RALGPS1: variants seen among roughly 807,000 people sequenced by gnomAD.
RALGPS1 encodes Ral GEF with PH domain and SH3 binding motif 1.
Under a neutral mutation model 78.8 loss-of-function variants are expected in RALGPS1, and 19 were observed. That is an observed-to-expected ratio of 0.24 (90% CI 0.17 to 0.35). RALGPS1 has a LOEUF of 0.35. RALGPS1 is among the 10% of genes least tolerant of loss of function. The pLI is 1.00. For synonymous variants in RALGPS1, 228 were observed against 256.3 expected (o/e 0.89, Z 1.06); for missense variants, 454 against 688.3 (o/e 0.66, Z 3.81).
At chr9:127,061,939 A>T (rs1366099565) in intron 7 of RALGPS1, among the ~76,000 whole-genome samples, 1 of 152,164 alleles carries the variant, frequency 6.6e-6, no homozygotes, top group Non-Finnish European at 1.5e-5. Flanking sequence ...CTTTGTGGGA[A>T]TATCTGCTGG....
chr9:127,217,339 C>T lies in RALGPS1; in HGVS notation c.1645-1401C>T, dbSNP rs987119926. ...TGTAATAATAAAAAGTTGACAACAA[C>T]TGAAATATTCAACAGCAGAGGATGA... On this transcript the variant is annotated intron_variant, in intron 18 of 18. Transcript: ENST00000259351. The T allele has an allele frequency of 1.3e-5, 13 of 1,017,634 alleles. No homozygotes were observed. In the East Asian group the frequency reaches 9.7e-4, roughly 76 times the overall value. 63.0% of individuals were successfully genotyped at this position (1,017,634 alleles called of 1,614,324 possible).
At chr9:127,047,324 A>C (rs866454596) in intron 5 of RALGPS1, among the ~76,000 whole-genome samples, 1 of 152,230 alleles carries the variant, frequency 6.6e-6, no homozygotes, top group African/African-American at 2.4e-5. Flanking sequence ...ATTGTAGAAG[A>C]ATATTCACTT....
chr9:127,141,942 C>A (rs950117422), intron 8 of RALGPS1, among the ~76,000 whole-genome samples: 2 of 152,120 alleles, frequency 1.3e-5, no homozygotes, highest in African/African-American at 2.4e-5. Context: ...AGTATGTTTT[C>A]AATAATCATG....
rs139559853 is a variant in RALGPS1, at chr9:127,166,592, A to G, written c.748+386A>G. ...TTGTTCTGTGACTCTGCTGTCTCCC[A>G]TGGCCTCAGAATCCTCCACTGGACT... is the stretch of plus-strand genomic sequence containing the variant. On this transcript the variant is annotated intron_variant, in intron 9 of 18. Transcript: ENST00000259351. Among the ~76,000 whole-genome samples the G allele has an allele frequency of 1.7e-4, 26 of 152,146 alleles. 1 individual carries two copies. Among genetic ancestry groups the G allele is most frequent in the African/African-American group, 6.0e-4 (25 of 41,412 alleles).
chr9:127,105,735 T>C (rs1341689261), intron 8 of RALGPS1, among the ~76,000 whole-genome samples: 1 of 152,212 alleles, frequency 6.6e-6, no homozygotes, highest in Non-Finnish European at 1.5e-5. Context: ...GATGTGCTGA[T>C]GTTAGGGACT....
At chr9:127,031,418 A>C (rs913383494) in intron 4 of RALGPS1, among the ~76,000 whole-genome samples, 1 of 152,216 alleles carries the variant, frequency 6.6e-6, no homozygotes, top group African/African-American at 2.4e-5. Flanking sequence ...CCTTGTGATA[A>C]ATCTTCTGTG....
In RALGPS1 at chr9:126,960,986, G is replaced by A. The variant is rs544564030; in HGVS notation, c.-65-1239G>A. Among the ~76,000 whole-genome samples the A allele has an allele frequency of 3.9e-5, 6 of 152,050 alleles. No homozygotes were observed. The East Asian group carries it at 1.2e-3, about 29-fold the overall frequency. Reference sequence around the variant, plus strand: ...TTGACTGCCGCAGCCTCAGCTCAGGGGCCCTTCCTTACCTCTTGCCTGGAT... The same window carrying A: ...TTGACTGCCGCAGCCTCAGCTCAGGAGCCCTTCCTTACCTCTTGCCTGGAT... On this transcript the variant is annotated intron_variant, in intron 1 of 18. Coordinates refer to ENST00000259351, the MANE Select transcript of RALGPS1 (RefSeq NM_014636.3).
intron 7 of RALGPS1, among the ~76,000 whole-genome samples, chr9:127,054,455 A>G (rs956025475): frequency 1.3e-5 from 2 of 152,204 alleles, no homozygotes; most frequent in Non-Finnish European, 2.9e-5. Context: ...GAGATAGTTA[A>G]TACAGAGGGC....
Position 127,028,908 on chromosome 9 carries a change from C to T in RALGPS1, c.217-5523C>T, listed in dbSNP as rs2046183801. Reference sequence around the variant, plus strand: ...AGTCCCTAACTACTACATGCTGTGGCCTCTTTTTTGTGACCCTTGTGCCCC... The same window carrying T: ...AGTCCCTAACTACTACATGCTGTGGTCTCTTTTTTGTGACCCTTGTGCCCC... On this transcript the variant is annotated intron_variant, in intron 4 of 18. Coordinates refer to ENST00000259351, the MANE Select transcript of RALGPS1 (RefSeq NM_014636.3). Among the ~76,000 whole-genome samples the T allele has an allele frequency of 2.6e-5, 4 of 152,008 alleles. No homozygotes were observed. In the South Asian group the frequency reaches 8.3e-4, roughly 32 times the overall value.
At position 127,143,423 on chromosome 9, in the gene RALGPS1, T is replaced by A. The variant is rs138834107; in HGVS notation, c.611-22646T>A. On this transcript the variant is annotated intron_variant, in intron 8 of 18. Transcript: ENST00000259351. ...TTAGATGGAGGCTTTTATTTATTAA[T>A]TTACACCTCTCAGTTCTCTCCATTG... Among the ~76,000 whole-genome samples the A allele has an allele frequency of 4.2e-3, 645 of 152,338 alleles. 7 individuals carry two copies. The highest frequency in any genetic ancestry group is 0.015 in the African/African-American group (612 of 41,566).
intron 1 of RALGPS1, among the ~76,000 whole-genome samples, chr9:126,947,122 G>A (rs1028586634): frequency 2.6e-5 from 4 of 152,170 alleles, no homozygotes; most frequent in African/African-American, 9.7e-5. Context: ...CCTTCAAATT[G>A]ATTCTTGTGG....
rs1171840682 is a variant in RALGPS1 at position 127,211,114 on chromosome 9, C to T, written c.1248-1017C>T. On this transcript the variant is annotated intron_variant, in intron 14 of 18. Transcript: ENST00000259351. The surrounding 1 kb of genome is among the most constrained non-coding windows in gnomAD (Gnocchi z 5.0). ...ATGAGGCAGGAAGAGCTGGGTGATT[C>T]GAGTGAAGGGAAGGGAGTGTTGGAA... 6.6e-6 allele frequency among the ~76,000 whole-genome samples: 1 copy of T among 152,110 alleles called. No homozygotes were observed. Among genetic ancestry groups the T allele is most frequent in the Non-Finnish European group, 1.5e-5 (1 of 68,022 alleles).
intron 6 of RALGPS1, among the ~76,000 whole-genome samples, chr9:127,050,363 C>T (rs2048196014): frequency 6.6e-6 from 1 of 152,192 alleles, no homozygotes; most frequent in Non-Finnish European, 1.5e-5. Flanking sequence ...TGCCCCACAC[C>T]CTATAATTTT....
chr9:127,093,984 C>A, intron 8 of RALGPS1: 1 of 1,568,326 alleles, frequency 6.4e-7, no homozygotes, highest in Non-Finnish European at 8.7e-7. Context: ...GCCGCACCCC[C>A]AGCTGCACCC....
At chr9:126,948,655 A>G (rs543819170) in intron 1 of RALGPS1, among the ~76,000 whole-genome samples, 30 of 152,270 alleles carry the variant, frequency 2.0e-4, no homozygotes, top group African/African-American at 6.7e-4. Context: ...CAGCTTCAGC[A>G]TACAGAGCCT....
At chr9:127,020,812 T>G (rs1321451354) in intron 4 of RALGPS1, among the ~76,000 whole-genome samples, 3 of 152,238 alleles carry the variant, frequency 2.0e-5, no homozygotes, top group Non-Finnish European at 4.4e-5. Flanking sequence ...CTAGGTTTAG[T>G]CCTGGCTCTC....
intron 7 of RALGPS1, among the ~76,000 whole-genome samples, chr9:127,062,395 G>T (rs998061245): frequency 1.3e-5 from 2 of 152,134 alleles, no homozygotes; most frequent in African/African-American, 4.8e-5. Flanking sequence ...GCCGCGCCCG[G>T]CCAAGGATGA....
intron 4 of RALGPS1, among the ~76,000 whole-genome samples, chr9:126,980,996 G>A (rs1449388179): frequency 2.6e-5 from 4 of 152,158 alleles, no homozygotes; most frequent in Admixed American, 2.0e-4. Context: ...GGACTTCTGG[G>A]GTTGTCCTGG....
At chr9:127,030,661 G>A (rs1252323929) in intron 4 of RALGPS1, among the ~76,000 whole-genome samples, 2 of 151,970 alleles carry the variant, frequency 1.3e-5, no homozygotes, top group Non-Finnish European at 2.9e-5. Context: ...TAATATTAAT[G>A]GGAGAAGCTT....
Sources: allele counts gnomAD v4.1 joint callset (sites outside exome capture counted in the v4.1 genomes callset), GRCh38; gene constraint gnomAD v4.1.1; non-coding constraint Gnocchi (gnomAD v3.1); transcripts MANE v1.5; gene names NCBI Gene and HGNC (gene_info 2026-07-23, HGNC 2026-07-21).